Variants in VCAN observed in about 807,000 individuals in gnomAD.
The protein encoded by VCAN is versican, also known as versican core protein.
VCAN carries 44 observed loss-of-function variants against 245.5 expected under a neutral mutation model. That is an observed-to-expected ratio of 0.18 (90% CI 0.14 to 0.23). The LOEUF is 0.23. Ranked by LOEUF, VCAN falls within the 10% of genes least tolerant of loss-of-function variation. The pLI is 1.00. For missense variants in VCAN, 3,793 were observed against 4,057.9 expected, an observed-to-expected ratio of 0.93 and a Z score of 1.77; for synonymous variants, 1,413 against 1,437.0, an observed-to-expected ratio of 0.98 and a Z score of 0.38.
chr5:83,539,787 G>C lies in VCAN; in HGVS notation c.6784G>C (p.Val2262Leu). The C allele has an allele frequency of 6.2e-7, 1 of 1,613,960 alleles. No homozygotes were observed. Among genetic ancestry groups the C allele is most frequent in the Non-Finnish European group, 8.5e-7 (1 of 1,179,986 alleles). ...CTCTGGACTGGGATCAGGAGAAGAA[G>C]TTTTACCTACTCTACCAACAGAGTC... ...LFSGLGSGEE[V>L]LPTLPTESVN... Residue 2262 changes from valine to leucine, a missense_variant, in exon 8 of 15, where the codon GTT becomes CTT. Val to Leu is a conservative substitution (Grantham distance 32, BLOSUM62 1). Around this residue, in one of 5 missense-constraint regions of VCAN, gnomAD observed 3,182 missense variants for 3,250.3 expected, o/e 0.98. Coordinates refer to ENST00000265077, the MANE Select transcript of VCAN (RefSeq NM_004385.5).
chr5:83,493,481 G>A, intron 3 of VCAN, 65 bp from the exon 4 acceptor site: 1 of 1,607,768 alleles, frequency 6.2e-7, no homozygotes, highest in Non-Finnish European at 8.5e-7. Context: ...GCTCCAATGA[G>A]AAATTTTGCA....
At chr5:83,579,241 G>A (rs1301412798) in intron 13 of VCAN, among the ~76,000 whole-genome samples, 1 of 116,098 alleles carries the variant, frequency 8.6e-6, no homozygotes, top group Non-Finnish European at 1.9e-5. Context: ...TTTTTTGTTT[G>A]TTTGTTTGTT....
rs866329171 is a variant in VCAN, at chr5:83,532,626, A to G, written c.4004-4381A>G. Among the ~76,000 whole-genome samples, 17 of 152,176 alleles carry G rather than the reference A, an allele frequency of 1.1e-4. No homozygotes were observed. The Middle Eastern group carries it at 0.01, about 91-fold the overall frequency. ...TCCCAGCACTTTGGGAGGCTGAGGCAGGAGGATTGCTCAAACTCAAGAGTT... is the reference window on the plus strand; with the variant it reads ...TCCCAGCACTTTGGGAGGCTGAGGCGGGAGGATTGCTCAAACTCAAGAGTT... On this transcript the variant is annotated intron_variant, in intron 7 of 14. Coordinates refer to ENST00000265077, the MANE Select transcript of VCAN (RefSeq NM_004385.5).
Position 83,505,970 on chromosome 5 carries a change from T to C in VCAN, c.749-6133T>C, listed in dbSNP as rs565595379. On this transcript the variant is annotated intron_variant, in intron 5 of 14. Coordinates refer to ENST00000265077, the MANE Select transcript of VCAN (RefSeq NM_004385.5). ...AGCCCAAGCTGTACACTGGCCCCAC[T>C]CAGCCACGGTTTGAGTGGCTGGGGC... Among the ~76,000 whole-genome samples the C allele has an allele frequency of 3.3e-5, 5 of 152,274 alleles. No homozygotes were observed. In the South Asian group the frequency reaches 1.0e-3, roughly 32 times the overall value.
chr5:83,572,616 A>T, intron 13 of VCAN, 56 bp downstream of exon 13: 2 of 1,603,426 alleles, frequency 1.2e-6, no homozygotes, highest in Non-Finnish European at 1.7e-6. Flanking sequence ...TTATAAAGAT[A>T]ATTCAGGAAT....
intron 2 of VCAN, among the ~76,000 whole-genome samples, chr5:83,485,163 C>T (rs544371802): frequency 1.6e-4 from 24 of 152,272 alleles, no homozygotes; most frequent in African/African-American, 5.8e-4. Flanking sequence ...GCAGCTTGCT[C>T]GAACGCCCAT....
At chr5:83,529,731 G>A (rs1746446241) in intron 7 of VCAN, among the ~76,000 whole-genome samples, 2 of 152,086 alleles carry the variant, frequency 1.3e-5, no homozygotes. Context: ...GGTTAAAGAA[G>A]GGGATCTTTG....
intron 1 of VCAN, among the ~76,000 whole-genome samples, chr5:83,478,405 A>G (rs754841441): frequency 6.6e-6 from 1 of 152,198 alleles, no homozygotes; most frequent in South Asian, 2.1e-4. Context: ...TTTTTAAAAG[A>G]TGTATATACT....
intron 5 of VCAN, among the ~76,000 whole-genome samples, chr5:83,506,872 G>C (rs1230646641): frequency 1.3e-5 from 2 of 152,176 alleles, no homozygotes; most frequent in Non-Finnish European, 2.9e-5. Flanking sequence ...AAATGAGGAA[G>C]AAGCAAAAGC....
chr5:83,555,174 G>A (rs1747623339), intron 12 of VCAN, 136 bp downstream of exon 12: 1 of 828,220 alleles, frequency 1.2e-6, no homozygotes, highest in South Asian at 1.4e-5. Context: ...GTGAAACAGA[G>A]AAGGGTTAGA....
intron 5 of VCAN, among the ~76,000 whole-genome samples, chr5:83,504,821 A>G (rs1312109965): frequency 6.6e-6 from 1 of 152,152 alleles, no homozygotes; most frequent in African/African-American, 2.4e-5. Context: ...AGACATACCC[A>G]AGACTGGGAA....
chr5:83,553,620 A>G, intron 11 of VCAN, 98 bp downstream of exon 11: 2 of 1,480,772 alleles, frequency 1.4e-6, no homozygotes, highest in Non-Finnish European at 1.9e-6. Context: ...TTTTTCAATC[A>G]TAATACAACT....
chr5:83,568,945 T>C (rs539271049), intron 12 of VCAN, among the ~76,000 whole-genome samples: 1 of 152,204 alleles, frequency 6.6e-6, no homozygotes, highest in African/African-American at 2.4e-5. Flanking sequence ...CCCAGCTGTA[T>C]CTGAGAGTAT....
Position 83,540,537 on chromosome 5 carries a change from T to C in VCAN, c.7534T>C (p.Tyr2512His), listed in dbSNP as rs758451075. Residue 2512 changes from tyrosine (Y) to histidine (H), a missense_variant, in exon 8 of 15, where the codon TAT becomes CAT. Tyr to His is a moderately conservative substitution (Grantham distance 83). This residue lies in a region of VCAN where 3,182 missense variants were observed against 3,250.3 expected (regional missense o/e 0.98). Transcript: ENST00000265077. ...PTSTLSNTVS[Y>H]ERSTDGSFQD... ...TAGCACACTGTCAAATACAGTGTCA[T>C]ATGAGAGGTCCACAGACGGTAGTTT... The C allele has an allele frequency of 1.9e-6, 3 of 1,613,922 alleles. No individual in the cohort carries two copies. The South Asian group carries it at 3.3e-5, about 18-fold the overall frequency.
chr5:83,571,518 G>T lies in VCAN; in HGVS notation c.9736-898G>T, dbSNP rs181106656. On this transcript the variant is annotated intron_variant, in intron 12 of 14. Transcript: ENST00000265077. The stretch of plus-strand genomic sequence containing the variant: ...ATGACACATATGATGGAAGGCAAAA[G>T]ATATTTTCAATTGTATATTATTGCT... Among the ~76,000 whole-genome samples, 5 of 152,032 alleles carry T rather than the reference G, an allele frequency of 3.3e-5. No homozygotes were observed. The East Asian group carries it at 9.7e-4, about 29-fold the overall frequency.
chr5:83,479,085 A>G (rs33599), intron 1 of VCAN, among the ~76,000 whole-genome samples: 96,492 of 151,942 alleles, frequency 0.64, 32,063 homozygotes, highest in Middle Eastern at 0.78. Flanking sequence ...ATGAAATTTC[A>G]CACCTAAATC....
intron 7 of VCAN, among the ~76,000 whole-genome samples, chr5:83,524,252 G>A (rs1289550584): frequency 6.6e-6 from 1 of 152,104 alleles, no homozygotes. Flanking sequence ...TTTATACAAA[G>A]GTGTACATTT....
At chr5:83,509,062 GA>G (rs869229401) in intron 5 of VCAN, among the ~76,000 whole-genome samples, 3 of 127,556 alleles carry the variant, frequency 2.4e-5, no homozygotes, top group African/African-American at 9.5e-5. Context: ...GAGAAAGAAA[GA>G]AAAGAAAGAA....
intron 2 of VCAN, among the ~76,000 whole-genome samples, chr5:83,484,509 T>TCCTTCCA (rs1744726947): frequency 6.7e-6 from 1 of 149,134 alleles, no homozygotes; most frequent in Non-Finnish European, 1.5e-5. Flanking sequence ...CCATCCATCC[T>TCCTTCCA]TCCATCCATC....
Sources: allele counts gnomAD v4.1 joint callset (sites outside exome capture counted in the v4.1 genomes callset), GRCh38; gene constraint gnomAD v4.1.1; regional missense constraint gnomAD v4.1.1; transcripts MANE v1.5; gene names NCBI Gene and HGNC (gene_info 2026-07-23, HGNC 2026-07-21).